GABRA3: variants seen among roughly 807,000 people sequenced by gnomAD.
GABRA3 encodes gamma-aminobutyric acid type A receptor subunit alpha3.
Under a neutral mutation model 30.1 loss-of-function variants are expected in GABRA3, and 10 were observed. The observed-to-expected ratio is 0.33, with a 90% CI of 0.20 to 0.56. The LOEUF (loss-of-function observed/expected upper bound fraction) is 0.56. Among genes scored for constraint, GABRA3 ranks in the 20% least tolerant of loss-of-function variants. The pLI, the probability that GABRA3 is intolerant of heterozygous loss-of-function variation, is 0.89. For synonymous variants in GABRA3, 151 were observed against 146.8 expected, an observed-to-expected ratio of 1.03 and a Z score of -0.21; for missense variants, 233 against 392.0, an observed-to-expected ratio of 0.59 and a Z score of 3.42.
intron 4 of GABRA3, among the ~76,000 whole-genome samples, chrX:152,269,924 C>T (rs933968790): frequency 1.8e-5 from 2 of 111,869 alleles, no homozygotes; most frequent in African/African-American, 6.5e-5. Flanking sequence ...CTCCATGATA[C>T]TGGCCTGGGT....
intron 1 of GABRA3, among the ~76,000 whole-genome samples, chrX:152,434,551 T>G (rs1474058579): frequency 3.6e-5 from 4 of 111,691 alleles, no homozygotes; most frequent in Non-Finnish European, 7.5e-5. Context: ...TTTATGAGAC[T>G]AGAGTGACTC....
intron 4 of GABRA3, among the ~76,000 whole-genome samples, chrX:152,276,241 C>T (rs959382552): frequency 9.0e-6 from 1 of 111,601 alleles, no homozygotes; most frequent in Non-Finnish European, 1.9e-5. Context: ...TTAGTATGTA[C>T]AGATTGACCA....
In GABRA3 at chrX:152,187,840, C is replaced by T. The variant is rs139635140; in HGVS notation, c.1143+1890G>A. Among the ~76,000 whole-genome samples, 662 of 111,822 alleles carry T rather than the reference C, an allele frequency of 5.9e-3. 2 individuals are homozygous for T. The highest frequency in any genetic ancestry group is 0.019 in the Middle Eastern group (4 of 215). On this transcript the variant is annotated intron_variant, in intron 9 of 9. Transcript: ENST00000370314. ...TAAGAATTGAAGACAAACTATCATG[C>T]GATTAACACAAACTTTGTTACAAAA...
chrX:152,178,580 C>T (rs1014885467), intron 9 of GABRA3, among the ~76,000 whole-genome samples: 1 of 111,414 alleles, frequency 9.0e-6, no homozygotes, highest in Non-Finnish European at 1.9e-5. Flanking sequence ...AAAAGAAAGT[C>T]CAAGCATTAC....
intron 4 of GABRA3, among the ~76,000 whole-genome samples, chrX:152,256,545 A>T (rs939022071): frequency 7.1e-5 from 8 of 112,262 alleles, no homozygotes; most frequent in African/African-American, 2.6e-4. Flanking sequence ...ATAGACAAAT[A>T]AGATAAAAAT....
chrX:152,315,902 C>T (rs1303492443), intron 3 of GABRA3, among the ~76,000 whole-genome samples: 1 of 102,996 alleles, frequency 9.7e-6, no homozygotes, highest in Non-Finnish European at 2.0e-5. Context: ...GCTGATGGTC[C>T]TTCCCTTCCC....
intron 5 of GABRA3, among the ~76,000 whole-genome samples, chrX:152,249,903 C>T (rs1260199092): frequency 9.0e-6 from 1 of 111,309 alleles, no homozygotes; most frequent in Non-Finnish European, 1.9e-5. Flanking sequence ...TGTGGCTATA[C>T]CCCACAGACT....
chrX:152,394,383 T>G (rs1243170570), intron 1 of GABRA3: 2 of 383,681 alleles, frequency 5.2e-6, no homozygotes, highest in Admixed American at 5.1e-5. Context: ...GTGGCTTTGT[T>G]CCAGAAGCAG....
rs774004836 is a variant in GABRA3, at chrX:152,236,223, A to C, written c.552-11378T>G. Among the ~76,000 whole-genome samples the C allele has an allele frequency of 4.2e-3, 421 of 99,290 alleles. 8 individuals carry two copies. Among genetic ancestry groups the C allele is most frequent in the African/African-American group, 0.015 (386 of 26,192 alleles). 86.2% of individuals were successfully genotyped at this position (99,290 alleles called of 115,157 possible). On this transcript the variant is annotated intron_variant, in intron 5 of 9. Transcript: ENST00000370314. The stretch of plus-strand genomic sequence containing the variant: ...TGTGATCTCATTGTTCAATTCCCAC[A>C]TATGAGTGAGAATATGCGGTGTTTG...
chrX:152,287,685 C>T (rs1233987170), intron 3 of GABRA3, among the ~76,000 whole-genome samples: 2 of 111,462 alleles, frequency 1.8e-5, no homozygotes, highest in Non-Finnish European at 3.8e-5. Context: ...GGTAGGATGG[C>T]TTGATGGCAA....
At chrX:152,179,044 A>G (rs1463248101) in intron 9 of GABRA3, among the ~76,000 whole-genome samples, 2 of 112,317 alleles carry the variant, frequency 1.8e-5, no homozygotes, top group Non-Finnish European at 3.8e-5. Flanking sequence ...ATAGCATTAT[A>G]AATGACTGTA....
At chrX:152,171,320 T>A (rs1936999349) in intron 9 of GABRA3, 1 of 289,830 alleles carries the variant, frequency 3.5e-6, no homozygotes, top group African/African-American at 2.9e-5. Flanking sequence ...GAAGCAGCAA[T>A]CACGTTAATC....
chrX:152,400,590 T>G (rs958180778), intron 1 of GABRA3, among the ~76,000 whole-genome samples: 1 of 111,820 alleles, frequency 8.9e-6, no homozygotes, highest in Non-Finnish European at 1.9e-5. Flanking sequence ...CCATGATCTC[T>G]GTCCCCTAGT....
At chrX:152,448,363 A>G (rs1050358463) in intron 1 of GABRA3, among the ~76,000 whole-genome samples, 4 of 112,614 alleles carry the variant, frequency 3.6e-5, no homozygotes, top group African/African-American at 1.3e-4. Flanking sequence ...GAAGCCTCTC[A>G]TAACTCTGAA....
chrX:152,184,819 A>G (rs1937232045), intron 9 of GABRA3, among the ~76,000 whole-genome samples: 1 of 111,432 alleles, frequency 9.0e-6, no homozygotes. Flanking sequence ...CGGAATCTTC[A>G]AAGGAAGCAG....
intron 2 of GABRA3, among the ~76,000 whole-genome samples, chrX:152,345,937 C>A (rs1351505695): frequency 2.7e-5 from 3 of 111,183 alleles, no homozygotes; most frequent in Non-Finnish European, 5.7e-5. Context: ...CTTTGCCAGG[C>A]ATATATCCTG....
intron 1 of GABRA3, among the ~76,000 whole-genome samples, chrX:152,366,346 T>C (rs1928661421): frequency 8.9e-6 from 1 of 111,812 alleles, no homozygotes; most frequent in Admixed American, 9.5e-5. Flanking sequence ...ACATAAGACA[T>C]AGCCATGATG....
At chrX:152,376,331 A>T (rs1188385406) in intron 1 of GABRA3, among the ~76,000 whole-genome samples, 1 of 110,401 alleles carries the variant, frequency 9.1e-6, no homozygotes, top group African/African-American at 3.3e-5. Flanking sequence ...CTTCATATGA[A>T]TCCTAATCTC....
chrX:152,200,828 G>C (rs1238080032), intron 7 of GABRA3, among the ~76,000 whole-genome samples: 1 of 112,380 alleles, frequency 8.9e-6, no homozygotes, highest in East Asian at 2.8e-4. Context: ...CATTTGTTTT[G>C]AATAACTGAC....
Sources: allele counts gnomAD v4.1 joint callset (sites outside exome capture counted in the v4.1 genomes callset), GRCh38; gene constraint gnomAD v4.1.1; transcripts MANE v1.5; gene names NCBI Gene and HGNC (gene_info 2026-07-23, HGNC 2026-07-21).